SH3BP1: variants seen among roughly 807,000 people sequenced by gnomAD.
The protein encoded by SH3BP1 is SH3 domain binding protein 1.
Under a neutral mutation model 69.8 loss-of-function variants are expected in SH3BP1, and 46 were observed. That is an observed-to-expected ratio of 0.66 (90% CI 0.52 to 0.84). SH3BP1 has a LOEUF of 0.84. Ranked by LOEUF, SH3BP1 falls within the 40% of genes least tolerant of loss-of-function variation. SH3BP1 has a pLI of 0.00. For synonymous variants in SH3BP1, 403 were observed against 378.0 expected (o/e 1.07, Z -0.77); for missense variants, 868 against 930.9 (o/e 0.93, Z 0.88).
At chr22:37,650,459 G>A in intron 15 of SH3BP1, 83 bp from the exon 16 acceptor site, 3 of 1,536,184 alleles carry the variant, frequency 2.0e-6, no homozygotes, top group Middle Eastern at 3.5e-4. Context: ...GATGGGTTCA[G>A]GGGAAGGGGA....
At position 37,648,912 on chromosome 22, in the gene SH3BP1, C is replaced by T. The variant is rs571583378; in HGVS notation, c.1316+477C>T. 335 of 166,734 alleles carry T rather than the reference C, an allele frequency of 2.0e-3. 1 individual carries two copies. The highest frequency in any genetic ancestry group is 7.6e-3 in the African/African-American group (315 of 41,612). The allele number at this position is 166,734 out of a possible 1,614,324, so 10.3% of individuals were successfully genotyped here. Reference sequence around the variant, plus strand: ...TAGAGACAGGGTTTCACCGTGTTAGCCAGGGTGGTCTCGATCTCCTCAGCT... The same window carrying T: ...TAGAGACAGGGTTTCACCGTGTTAGTCAGGGTGGTCTCGATCTCCTCAGCT... On this transcript the variant is annotated intron_variant, in intron 14 of 17. Coordinates refer to ENST00000649765, the MANE Select transcript of SH3BP1 (RefSeq NM_018957.6).
chr22:37,647,847 T>C (rs1034303541), intron 13 of SH3BP1, among the ~76,000 whole-genome samples: 4 of 152,048 alleles, frequency 2.6e-5, no homozygotes, highest in Admixed American at 6.5e-5. Flanking sequence ...GGCTAATTTT[T>C]GTATTTTTAG....
In SH3BP1 at chr22:37,655,880, C is replaced by A; in HGVS notation, c.*196C>A. On this transcript the variant is annotated 3_prime_UTR_variant, in exon 18 of 18. Transcript: ENST00000649765. ...TATTTCCTGACCTTTTCCTCGTCCA[C>A]CCTGGGCTTGGGGACCCCCCCACCG... 1 of 1,549,746 alleles carries A rather than the reference C, an allele frequency of 6.5e-7. No homozygotes were observed. Among genetic ancestry groups the A allele is most frequent in the Non-Finnish European group, 8.7e-7 (1 of 1,155,448 alleles).
chr22:37,641,782 TC>T (rs1932607527), intron 3 of SH3BP1: 1 of 348,302 alleles, frequency 2.9e-6, no homozygotes, highest in Non-Finnish European at 5.3e-6. Flanking sequence ...TCAGAGGGTT[TC>T]CTGAAGGAGG....
chr22:37,655,456 A>G lies in SH3BP1; in HGVS notation c.1878A>G (p.Thr626=), dbSNP rs929130092. 3.0e-6 allele frequency: 1 copy of G among 333,914 alleles called. No homozygotes were observed. Among genetic ancestry groups the G allele is most frequent in the Non-Finnish European group, 4.0e-6 (1 of 250,170 alleles). The allele number at this position is 333,914 out of a possible 1,614,324, so 20.7% of individuals were successfully genotyped here. A position where few individuals can be genotyped will look rare whatever the true frequency, so the allele number is the denominator to read the frequency against. The change falls in exon 18 of 18, where the codon ACA becomes ACG. Residue 626 remains threonine (T), a synonymous_variant. Coordinates refer to ENST00000649765, the MANE Select transcript of SH3BP1 (RefSeq NM_018957.6). ...CAGTGCCACCCCCGTTACCCCCCAC[A>G]CCCCCTCAGCCTGCCCGGCGCCAAA... ...APTVPPPLPP[T]PPQPARRQSR...
intron 4 of SH3BP1, 63 bp downstream of exon 4, chr22:37,642,678 G>A (rs1932644360): frequency 1.2e-6 from 2 of 1,611,480 alleles, no homozygotes; most frequent in African/African-American, 1.3e-5. Context: ...AGCTGGGAGG[G>A]GGTCCAGGTG....
Position 37,639,669 on chromosome 22 carries a change from G to A in SH3BP1, c.-119G>A, listed in dbSNP as rs977207239. 3 of 574,986 alleles carry A rather than the reference G, an allele frequency of 5.2e-6. No individual in the cohort carries two copies. Among genetic ancestry groups the A allele is most frequent in the Non-Finnish European group, 8.4e-6 (3 of 356,176 alleles). The allele number at this position is 574,986 out of a possible 1,614,324, so 35.6% of individuals were successfully genotyped here. A position where few individuals can be genotyped will look rare whatever the true frequency, so the allele number is the denominator to read the frequency against. On this transcript the variant is annotated 5_prime_UTR_variant, in exon 1 of 18. Coordinates refer to ENST00000649765, the MANE Select transcript of SH3BP1 (RefSeq NM_018957.6). ...AGAGCCGCGCGGCGGCCCAGGAAGCGAGAGCGCCGCCCACCCATCCGGGGC... is the reference window on the plus strand; with the variant it reads ...AGAGCCGCGCGGCGGCCCAGGAAGCAAGAGCGCCGCCCACCCATCCGGGGC...
At chr22:37,649,307 A>G (rs983556008) in intron 14 of SH3BP1, among the ~76,000 whole-genome samples, 3 of 150,868 alleles carry the variant, frequency 2.0e-5, no homozygotes. Context: ...GGGCAACTTA[A>G]TGAGACCCTG....
At chr22:37,640,843 G>T (rs1031313248) in intron 1 of SH3BP1, 1 of 492,352 alleles carries the variant, frequency 2.0e-6, no homozygotes, top group East Asian at 3.7e-5. Context: ...GCTGGGCCCC[G>T]GGTGGGTCTC....
At chr22:37,650,793 C>T (rs1358041019) in intron 16 of SH3BP1, 68 bp downstream of exon 16, 4 of 1,500,318 alleles carry the variant, frequency 2.7e-6, no homozygotes, top group Non-Finnish European at 3.6e-6. Flanking sequence ...GGCGCCATGT[C>T]TCAGAGCTGG....
Position 37,646,828 on chromosome 22 carries a change from G to A in SH3BP1, c.935G>A (p.Arg312His), listed in dbSNP as rs866952782. 1.2e-5 allele frequency: 19 copies of A among 1,534,128 alleles called. No individual in the cohort carries two copies. The highest frequency in any genetic ancestry group is 3.6e-5 in the South Asian group (3 of 82,282). The change falls in exon 11 of 18, where the codon CGT becomes CAT. Residue 312 changes from arginine (R) to histidine (H), a missense_variant. By Grantham distance (29) the Arg-to-His change is conservative. Transcript: ENST00000649765. Reference protein sequence around the residue: ...SEGMKEEGLFRLAAGASVLKR... With the variant: ...SEGMKEEGLFHLAAGASVLKR... Reference sequence around the variant, plus strand: ...TCCTCTCGAACCCAGGGTCTCTTCCGTCTGGCTGCTGGGGCCTCGGTGCTG... The same window carrying A: ...TCCTCTCGAACCCAGGGTCTCTTCCATCTGGCTGCTGGGGCCTCGGTGCTG...
rs753808331 is a variant in SH3BP1, at chr22:37,650,733, C to G, written c.1598+8C>G. ...AGCAGCTACCAAGGAAAGGTGAGGA[C>G]TGAGGGGCTTGAATGGCTCCTGTGG... On this transcript the variant is annotated splice_region_variant and intron_variant, in intron 16 of 17. Coordinates refer to ENST00000649765, the MANE Select transcript of SH3BP1 (RefSeq NM_018957.6). The G allele has an allele frequency of 1.3e-6, 2 of 1,599,102 alleles. No individual in the cohort carries two copies. The highest frequency in any genetic ancestry group is 1.1e-5 in the South Asian group (1 of 89,234).
At chr22:37,645,554 C>A in intron 10 of SH3BP1, 44 bp downstream of exon 10, 1 of 1,573,936 alleles carries the variant, frequency 6.4e-7, no homozygotes, top group South Asian at 1.1e-5. Context: ...CTGGGGCCCT[C>A]ATTCTGTCCC....
At chr22:37,655,151 A>C in intron 17 of SH3BP1, 121 bp from the exon 18 acceptor site, 1 of 711,532 alleles carries the variant, frequency 1.4e-6, no homozygotes. Flanking sequence ...CCAGCCGCAG[A>C]AACGGTGTTC....
rs1290590143 is a variant in SH3BP1, at chr22:37,655,542, T to C, written c.1964T>C (p.Val655Ala). 7 of 1,584,804 alleles carry C rather than the reference T, an allele frequency of 4.4e-6. No individual in the cohort carries two copies. The highest frequency in any genetic ancestry group is 5.1e-6 in the Non-Finnish European group (6 of 1,168,228). The stretch of plus-strand genomic sequence containing the variant: ...CCAGGTCCAGCCTCCCCCAGCCCAG[T>C]CTCTTTGAGTAACCCTGCACAGGTG... ...ASPGPASPSP[V>A]SLSNPAQVDL... is the part of the protein sequence containing the mutation. The change falls in exon 18 of 18, where the codon GTC (valine) becomes GCC (alanine). Residue 655 changes from valine to alanine, a missense_variant. Val to Ala is a moderately conservative substitution (Grantham distance 64, BLOSUM62 0). Transcript: ENST00000649765.
At chr22:37,651,073 G>A (rs1401520627) in intron 16 of SH3BP1, among the ~76,000 whole-genome samples, 6 of 151,794 alleles carry the variant, frequency 4.0e-5, no homozygotes, top group African/African-American at 1.2e-4. Flanking sequence ...TCACTCTGTC[G>A]CCCAGGCCAG....
At position 37,644,645 on chromosome 22, in the gene SH3BP1, C is replaced by T; in HGVS notation, c.627C>T (p.Tyr209=). The change falls in exon 8 of 18, where the codon TAC becomes TAT. Residue 209 remains tyrosine, a synonymous_variant. Transcript: ENST00000649765. ...KRKVEQCRDE[Y]LADLYHFVTK... is the part of the protein sequence containing the mutation. ...CCCTCTCTGTCCCCAAGGACGAGTA[C>T]TTGGCTGACCTGTACCACTTTGTTA... 1 of 1,614,224 alleles carries T rather than the reference C, an allele frequency of 6.2e-7. No homozygotes were observed. Among genetic ancestry groups the T allele is most frequent in the Non-Finnish European group, 8.5e-7 (1 of 1,180,018 alleles).
At position 37,643,121 on chromosome 22, in the gene SH3BP1, A is replaced by G. The variant is rs74516928; in HGVS notation, c.420A>G (p.Lys140=). 0.081 allele frequency: 129,837 copies of G among 1,610,956 alleles called. 5,842 individuals carry two copies. Among genetic ancestry groups the G allele is most frequent in the African/African-American group, 0.15 (11,075 of 74,752 alleles). The change falls in exon 6 of 18, where the codon AAA becomes AAG. Residue 140 remains lysine, a synonymous_variant. Coordinates refer to ENST00000649765, the MANE Select transcript of SH3BP1 (RefSeq NM_018957.6). Reference sequence around the variant, plus strand: ...AGGAGGAGCTGCCAGCCATCCTCAAACACAAGAAAAGCCTCCAGAAGCTCG... The same window carrying G: ...AGGAGGAGCTGCCAGCCATCCTCAAGCACAAGAAAAGCCTCCAGAAGCTCG... The part of the protein sequence containing the change: ...LSEEELPAIL[K]HKKSLQKLVS...
chr22:37,640,880 C>T, intron 1 of SH3BP1: 1 of 546,928 alleles, frequency 1.8e-6, no homozygotes, highest in Non-Finnish European at 3.2e-6. Flanking sequence ...TTTCATCTGT[C>T]CGCCCTCTCT....
Sources: allele counts gnomAD v4.1 joint callset (sites outside exome capture counted in the v4.1 genomes callset), GRCh38; gene constraint gnomAD v4.1.1; transcripts MANE v1.5; gene names NCBI Gene and HGNC (gene_info 2026-07-23, HGNC 2026-07-21).